The following GSE1 variants were observed in gnomAD, a reference collection of about 807,000 sequenced individuals.
GSE1 encodes Gse1 coiled-coil protein.
In GSE1, 32 loss-of-function variants were observed where a neutral mutation model predicts 112.6. The observed-to-expected ratio is 0.28, with a 90% CI of 0.21 to 0.38. GSE1 has a LOEUF of 0.38. Ranked by LOEUF, GSE1 falls within the 10% of genes least tolerant of loss-of-function variation. The probability of loss-of-function intolerance (pLI) is 1.00; values close to 1 mark genes in which losing one functional copy is unlikely to be tolerated. For missense variants in GSE1, 2,348 were observed against 1,699.2 expected (o/e 1.38, Z -6.71); for synonymous variants, 1,115 against 735.6 (o/e 1.52, Z -8.35).
chr16:85,530,132 C>T (rs891351057), intron 2 of GSE1, among the ~76,000 whole-genome samples: 5 of 152,320 alleles, frequency 3.3e-5, no homozygotes, highest in East Asian at 1.9e-4. Context: ...TAGCGCCTGC[C>T]GTCCTGCCTC....
At chr16:85,634,831 G>T (rs56920362) in intron 2 of GSE1, among the ~76,000 whole-genome samples, 4,487 of 152,248 alleles carry the variant, frequency 0.029, 200 homozygotes, top group African/African-American at 0.098. Flanking sequence ...CGCCTGCGAT[G>T]ACCATTGGCA....
chr16:85,552,648 G>A (rs2044984107), upstream of GSE1, among the ~76,000 whole-genome samples: 1 of 152,212 alleles, frequency 6.6e-6, no homozygotes, highest in Admixed American at 6.5e-5. Flanking sequence ...GGACCTCGAT[G>A]GCTGTCTCCA....
chr16:85,654,575 C>A (rs530453202), intron 4 of GSE1, 125 bp downstream of exon 4: 71 of 888,798 alleles, frequency 8.0e-5, no homozygotes, highest in Non-Finnish European at 1.1e-4. Flanking sequence ...TTGTCGGCCG[C>A]TGAGCCCTGG....
chr16:85,270,749 C>T (rs1049562732), intron 1 of GSE1, among the ~76,000 whole-genome samples: 1 of 151,878 alleles, frequency 6.6e-6, no homozygotes, highest in Non-Finnish European at 1.5e-5. Flanking sequence ...AGAATGTCGC[C>T]CTGGGTGTTT....
intron 1 of GSE1, among the ~76,000 whole-genome samples, chr16:85,177,144 G>A (rs558557885): frequency 6.6e-6 from 1 of 152,256 alleles, no homozygotes; most frequent in Non-Finnish European, 1.5e-5. Flanking sequence ...GAAGGCGAAA[G>A]GTCTTCAAAA....
At chr16:85,478,241 A>G (rs2050523038) in intron 2 of GSE1, among the ~76,000 whole-genome samples, 1 of 151,990 alleles carries the variant, frequency 6.6e-6, no homozygotes, top group South Asian at 2.1e-4. Flanking sequence ...ATTCCATGGC[A>G]TGGGGCCAGG....
chr16:85,284,143 C>T (rs1198370530), intron 1 of GSE1, among the ~76,000 whole-genome samples: 3 of 152,228 alleles, frequency 2.0e-5, no homozygotes, highest in Non-Finnish European at 4.4e-5. Flanking sequence ...CAAGATGCCC[C>T]CGGCCCAGGA....
chr16:85,657,598 C>T lies in GSE1; in HGVS notation c.1634C>T (p.Thr545Ile), dbSNP rs1355698455. 4.6e-6 allele frequency: 7 copies of T among 1,517,878 alleles called. No homozygotes were observed. In the African/African-American group the frequency reaches 6.9e-5, roughly 15 times the overall value. The allele number at this position is 1,517,878 out of a possible 1,614,324, so 94.0% of individuals were successfully genotyped here. A position where few individuals can be genotyped will look rare whatever the true frequency, so the allele number is the denominator to read the frequency against. Residue 545 changes from threonine to isoleucine, a missense_variant, in exon 8 of 16, where the codon ACC becomes ATC. By Grantham distance (89) the Thr-to-Ile change is moderately conservative (BLOSUM62 -1). Coordinates refer to ENST00000253458, the MANE Select transcript of GSE1 (RefSeq NM_014615.5). ...PAEAEHRPES[T>I]TRPGPNRHEP... Reference sequence around the variant, plus strand: ...GAGGCAGAGCACAGGCCGGAGAGCACCACCAGGTGAGTGAGCCCCAGGAAG... The same window carrying T: ...GAGGCAGAGCACAGGCCGGAGAGCATCACCAGGTGAGTGAGCCCCAGGAAG...
chr16:85,633,075 G>A (rs1007097112), intron 1 of GSE1, among the ~76,000 whole-genome samples: 1 of 152,230 alleles, frequency 6.6e-6, no homozygotes, highest in Non-Finnish European at 1.5e-5. Flanking sequence ...TGCTGCGCCA[G>A]GTCGGCCTGA....
At chr16:85,653,759 C>T (rs527997981) in intron 3 of GSE1, among the ~76,000 whole-genome samples, 226 of 152,322 alleles carry the variant, frequency 1.5e-3, no homozygotes, top group African/African-American at 5.2e-3. Flanking sequence ...TGCCAGCTTC[C>T]TTTGCCCCTG....
chr16:85,507,505 T>C (rs1198028298), intron 2 of GSE1, among the ~76,000 whole-genome samples: 3 of 152,244 alleles, frequency 2.0e-5, no homozygotes, highest in Non-Finnish European at 2.9e-5. Flanking sequence ...CATGGCAAAA[T>C]GCCACACTCT....
rs187010914 is a variant in GSE1 at position 85,512,853 on chromosome 16, C to T, written c.2465-121061C>T. 4.7e-4 allele frequency among the ~76,000 whole-genome samples: 72 copies of T among 152,220 alleles called. No individual in the cohort carries two copies. The South Asian group carries it at 0.012, about 26-fold the overall frequency. On this transcript the variant is annotated intron_variant, in intron 2 of 2. Coordinates refer to the GSE1 transcript ENST00000637419. The stretch of plus-strand genomic sequence containing the variant: ...GACCCCAATCTTGCCTGTGTATTTC[C>T]GGCCTGCTGACTCACAGGGACAGCT...
intron 2 of GSE1, among the ~76,000 whole-genome samples, chr16:85,509,027 A>G (rs73267226): frequency 0.018 from 2,725 of 152,222 alleles, 82 homozygotes; most frequent in African/African-American, 0.06. Flanking sequence ...AACAGCAGGG[A>G]GAGGGACTTG....
At chr16:85,495,829 C>A (rs2051158229) in intron 2 of GSE1, among the ~76,000 whole-genome samples, 1 of 152,122 alleles carries the variant, frequency 6.6e-6, no homozygotes, top group Admixed American at 6.5e-5. Context: ...CCTGCCAGGG[C>A]AGTTAAGGCC....
chr16:85,569,228 G>A (rs905302126), intron 1 of GSE1, among the ~76,000 whole-genome samples: 1 of 152,182 alleles, frequency 6.6e-6, no homozygotes, highest in African/African-American at 2.4e-5. Context: ...CTAGAGCGCT[G>A]AGCCCAGGTG....
At chr16:85,568,102 C>G (rs777282145) in intron 1 of GSE1, among the ~76,000 whole-genome samples, 1 of 152,208 alleles carries the variant, frequency 6.6e-6, no homozygotes, top group Non-Finnish European at 1.5e-5. Context: ...GATGTTTCCT[C>G]TCTGGAAAAT....
chr16:85,203,687 T>C (rs1164911837), intron 1 of GSE1, among the ~76,000 whole-genome samples: 1 of 152,208 alleles, frequency 6.6e-6, no homozygotes, highest in African/African-American at 2.4e-5. Context: ...AATTCACCTG[T>C]CTCAAGTGTA....
At chr16:85,209,618 A>G (rs1007476052) in intron 1 of GSE1, among the ~76,000 whole-genome samples, 1 of 152,198 alleles carries the variant, frequency 6.6e-6, no homozygotes, top group African/African-American at 2.4e-5. Context: ...GGCCAGCCCA[A>G]GGGTCACGCA....
intron 2 of GSE1, among the ~76,000 whole-genome samples, chr16:85,464,243 G>C (rs568594689): frequency 1.3e-5 from 2 of 152,104 alleles, no homozygotes; most frequent in East Asian, 1.9e-4. Flanking sequence ...GGTCGCGAAC[G>C]GTTGATGATT....
Sources: allele counts gnomAD v4.1 joint callset (sites outside exome capture counted in the v4.1 genomes callset), GRCh38; gene constraint gnomAD v4.1.1; transcripts MANE v1.5; gene names NCBI Gene and HGNC (gene_info 2026-07-23, HGNC 2026-07-21).